The following ASH1L variants were observed in gnomAD, a reference collection of about 807,000 sequenced individuals.
ASH1L encodes ASH1 like histone lysine methyltransferase.
A neutral mutation model predicts 269.0 loss-of-function variants in ASH1L; 23 were observed. The observed-to-expected ratio is 0.09, with a 90% confidence interval of 0.06 to 0.12. The LOEUF (loss-of-function observed/expected upper bound fraction) is 0.12, where lower values mean the gene tolerates loss of function less well. Ranked by LOEUF, ASH1L falls within the 10% of genes least tolerant of loss-of-function variation. The pLI is 1.00. For synonymous variants in ASH1L, 1,187 were observed against 1,253.5 expected, an observed-to-expected ratio of 0.95 and a Z score of 1.12; for missense variants, 2,912 against 3,567.8, an observed-to-expected ratio of 0.82 and a Z score of 4.68.
At chr1:155,370,357 A>G in intron 12 of ASH1L, 147 bp downstream of exon 12, 1 of 924,126 alleles carries the variant, frequency 1.1e-6, no homozygotes, top group Non-Finnish European at 1.7e-6. Context: ...AAAACGAAGC[A>G]GCTTACTCTG....
intron 1 of ASH1L, among the ~76,000 whole-genome samples, chr1:155,530,058 C>T (rs1669555064): frequency 1.3e-5 from 2 of 152,102 alleles, no homozygotes; most frequent in African/African-American, 4.8e-5. Context: ...TTGCACTTAC[C>T]ATTCCGCTTG....
intron 1 of ASH1L, among the ~76,000 whole-genome samples, chr1:155,550,270 G>A (rs1323837592): frequency 1.3e-5 from 2 of 152,132 alleles, no homozygotes; most frequent in African/African-American, 2.4e-5. Flanking sequence ...CACCCATCTC[G>A]GCCTCCCAAA....
chr1:155,514,851 A>C (rs554746236), intron 2 of ASH1L, among the ~76,000 whole-genome samples: 25 of 152,072 alleles, frequency 1.6e-4, no homozygotes, highest in African/African-American at 2.7e-4. Flanking sequence ...TTGCCGAGGA[A>C]CTCGGCAACT....
chr1:155,507,578 G>T (rs1016890098), intron 2 of ASH1L, among the ~76,000 whole-genome samples: 1 of 151,686 alleles, frequency 6.6e-6, no homozygotes, highest in Admixed American at 6.6e-5. Flanking sequence ...ATGAGACATG[G>T]TATAATGATA....
At chr1:155,340,121 T>C (rs557686682) in intron 25 of ASH1L, among the ~76,000 whole-genome samples, 1 of 151,826 alleles carries the variant, frequency 6.6e-6, no homozygotes, top group Admixed American at 6.6e-5. Flanking sequence ...AAAGACGGTC[T>C]GGAAAATTAA....
At chr1:155,367,272 G>A (rs747593888) in intron 12 of ASH1L, among the ~76,000 whole-genome samples, 1 of 152,196 alleles carries the variant, frequency 6.6e-6, no homozygotes, top group Non-Finnish European at 1.5e-5. Context: ...GATTATAGGC[G>A]TAAGCCACTG....
At chr1:155,461,804 T>TG (rs1168288135) in intron 3 of ASH1L, among the ~76,000 whole-genome samples, 10 of 145,350 alleles carry the variant, frequency 6.9e-5, no homozygotes, top group African/African-American at 2.6e-4. Context: ...GTTTGAGGGT[T>TG]TTTTTTTTTT....
rs1665805297 is a variant in ASH1L at position 155,479,513 on chromosome 1, G to A, written c.3357C>T (p.Ser1119=). 1.9e-6 allele frequency: 3 copies of A among 1,614,040 alleles called. No individual in the cohort carries two copies. Among genetic ancestry groups the A allele is most frequent in the Non-Finnish European group, 1.7e-6 (2 of 1,180,028 alleles). The change falls in exon 3 of 28, where the codon AGC becomes AGT. Residue 1119 remains serine (S), a synonymous_variant. Transcript: ENST00000392403. ...CAAAACCTGCATCACTACTTACAGG[G>A]CTCTGACCTCCACTAGTCCCAGAAG... ...SQSSGTSGGQ[S]PVSSDAGFVE... is the part of the protein sequence containing the mutation.
chr1:155,387,637 T>C (rs950894937), intron 7 of ASH1L, among the ~76,000 whole-genome samples: 2 of 152,208 alleles, frequency 1.3e-5, no homozygotes, highest in Admixed American at 1.3e-4. Context: ...TTTGGTTCCA[T>C]ATGAATGTTA....
intron 5 of ASH1L, chr1:155,433,943 C>T (rs1468044121): frequency 1.3e-6 from 2 of 1,581,852 alleles, no homozygotes; most frequent in Non-Finnish European, 1.7e-6. Flanking sequence ...GTGCCCGAAA[C>T]CCACACTGCA....
intron 5 of ASH1L, among the ~76,000 whole-genome samples, chr1:155,422,174 G>A (rs1010746062): frequency 5.3e-5 from 8 of 151,958 alleles, no homozygotes; most frequent in African/African-American, 1.9e-4. Flanking sequence ...GTCTCATTCC[G>A]TCAACCAGGC....
chr1:155,448,544 G>A (rs982849766), intron 4 of ASH1L, among the ~76,000 whole-genome samples: 25 of 152,164 alleles, frequency 1.6e-4, no homozygotes, highest in Non-Finnish European at 7.3e-5. Context: ...CACCCAGGCT[G>A]GAGTGCAATG....
At chr1:155,550,277 C>G (rs1454034995) in intron 1 of ASH1L, among the ~76,000 whole-genome samples, 2 of 152,162 alleles carry the variant, frequency 1.3e-5, no homozygotes, top group Admixed American at 1.3e-4. Flanking sequence ...CTCGGCCTCC[C>G]AAAGTGCTGG....
At chr1:155,499,707 C>A (rs1273478421) in intron 2 of ASH1L, among the ~76,000 whole-genome samples, 1 of 152,074 alleles carries the variant, frequency 6.6e-6, no homozygotes, top group Non-Finnish European at 1.5e-5. Context: ...GATTTACAAT[C>A]ATTAAAATGA....
chr1:155,489,795 A>T lies in ASH1L; in HGVS notation c.421-7346T>A, dbSNP rs115181358. Among the ~76,000 whole-genome samples, 419 of 141,552 alleles carry T rather than the reference A, an allele frequency of 3.0e-3. 1 individual carries two copies. The highest frequency in any genetic ancestry group is 0.011 in the African/African-American group (403 of 38,258). The allele number at this position is 141,552 out of a possible 152,430, so 92.9% of individuals were successfully genotyped here. A position where few individuals can be genotyped will look rare whatever the true frequency, so the allele number is the denominator to read the frequency against. ...TAAATAAATGGGGAGACACTGTCTC[A>T]AAATAAATAAATAAATAAATAAATA... On this transcript the variant is annotated intron_variant, in intron 2 of 27. Coordinates refer to ENST00000392403, the MANE Select transcript of ASH1L (RefSeq NM_018489.3).
chr1:155,549,725 T>A (rs1160043816), intron 1 of ASH1L, among the ~76,000 whole-genome samples: 1 of 152,142 alleles, frequency 6.6e-6, no homozygotes. Context: ...ATCCACAGAT[T>A]TTGGTATCCT....
At chr1:155,530,607 G>A (rs1169861548) in intron 1 of ASH1L, among the ~76,000 whole-genome samples, 3 of 151,652 alleles carry the variant, frequency 2.0e-5, no homozygotes, top group Non-Finnish European at 2.9e-5. Context: ...ATGGTGGCAC[G>A]CTCCTGTAAT....
rs752605054 is a variant in ASH1L, at chr1:155,528,709, T to C, written c.-99-7091A>G. On this transcript the variant is annotated intron_variant, in intron 1 of 27. Coordinates refer to ENST00000392403, the MANE Select transcript of ASH1L (RefSeq NM_018489.3). ...GTCCATTGATTTATTGATTTTTTAATATATTTAACTTTTATTCTAAGTTCA... is the reference window on the plus strand; with the variant it reads ...GTCCATTGATTTATTGATTTTTTAACATATTTAACTTTTATTCTAAGTTCA... 2.0e-5 allele frequency among the ~76,000 whole-genome samples: 3 copies of C among 152,180 alleles called. No individual in the cohort carries two copies. In the South Asian group the frequency reaches 6.2e-4, roughly 32 times the overall value.
At chr1:155,349,079 AGTTT>A (rs1653645107) in intron 19 of ASH1L, among the ~76,000 whole-genome samples, 1 of 152,006 alleles carries the variant, frequency 6.6e-6, no homozygotes, top group African/African-American at 2.4e-5. Context: ...ATACTAAATT[AGTTT>A]TTTACAAAAA....
Sources: allele counts gnomAD v4.1 joint callset (sites outside exome capture counted in the v4.1 genomes callset), GRCh38; gene constraint gnomAD v4.1.1; transcripts MANE v1.5; gene names NCBI Gene and HGNC (gene_info 2026-07-23, HGNC 2026-07-21).